Variants in NPHS1 observed in about 807,000 individuals in gnomAD.
NPHS1 encodes the protein nephrin.
A neutral mutation model predicts 139.7 loss-of-function variants in NPHS1; 107 were observed. The observed-to-expected ratio is 0.77, with a 90% CI of 0.66 to 0.90. The LOEUF (loss-of-function observed/expected upper bound fraction) is 0.90, where lower values mean the gene tolerates loss of function less well. NPHS1 is among the 40% of genes least tolerant of loss of function. The pLI, the probability that NPHS1 is intolerant of heterozygous loss-of-function variation, is 0.00. For missense variants in NPHS1, 1,580 were observed against 1,654.2 expected (o/e 0.96, Z 0.78); for synonymous variants, 707 against 706.6 (o/e 1.00, Z -0.01).
intron 24 of NPHS1, 27 bp downstream of exon 24, chr19:35,831,616 C>T (rs1418047793): frequency 3.1e-6 from 5 of 1,613,260 alleles, no homozygotes; most frequent in African/African-American, 1.3e-5. Flanking sequence ...CGGGTCTCCA[C>T]CCTGGCAGGG....
chr19:35,841,430 T>C (rs1973054220), intron 20 of NPHS1, among the ~76,000 whole-genome samples: 1 of 152,150 alleles, frequency 6.6e-6, no homozygotes, highest in African/African-American at 2.4e-5. Context: ...TGATGGCAGC[T>C]GAACCTAGAT....
In NPHS1 at chr19:35,839,549, C is replaced by T. The variant is rs752337753; in HGVS notation, c.2874G>A (p.Gly958=). The T allele has an allele frequency of 6.2e-7, 1 of 1,614,180 alleles. No individual in the cohort carries two copies. The highest frequency in any genetic ancestry group is 1.7e-5 in the Admixed American group (1 of 60,018). The change falls in exon 21 of 29, where the codon GGG becomes GGA. Residue 958 remains glycine (G), a synonymous_variant. Coordinates refer to ENST00000378910, the MANE Select transcript of NPHS1 (RefSeq NM_004646.4). ...CATCAAAGCCAGGCTTCCACTCCAG[C>T]CCCACGGAGTGTGGGGTCAGACTCA... is the stretch of plus-strand genomic sequence containing the variant. The part of the protein sequence containing the change: ...KVVSLTPHSV[G]LEWKPGFDGG...
chr19:35,831,023 T>C (rs764438462), intron 27 of NPHS1, 30 bp downstream of exon 27: 1 of 1,610,734 alleles, frequency 6.2e-7, no homozygotes, highest in East Asian at 2.2e-5. Context: ...TACCTCTGAG[T>C]GAGGGAATCC....
intron 20 of NPHS1, among the ~76,000 whole-genome samples, chr19:35,841,246 G>A (rs924531788): frequency 2.3e-4 from 35 of 152,016 alleles, no homozygotes; most frequent in Admixed American, 4.6e-4. Flanking sequence ...GGTGGCGGGC[G>A]CCTGTAATCT....
rs140626538 is a variant in NPHS1 at position 35,851,603 on chromosome 19, A to G, written c.128T>C (p.Val43Ala). 3.5e-4 allele frequency: 572 copies of G among 1,613,936 alleles called. 3 individuals carry two copies. The African/African-American group carries it at 6.9e-3, about 19-fold the overall frequency. Reference protein sequence around the residue: ...GFWALPENLTVVEGASVELRC... With the variant: ...GFWALPENLTAVEGASVELRC... ...CAGCTCCACTGAGGCCCCCTCCACC[A>G]CCGTCAGGTTTTCAGGCAGGGCCCA... Residue 43 changes from valine (V) to alanine (A), a missense_variant, in exon 2 of 29, where the codon GTG becomes GCG. By Grantham distance (64) the Val-to-Ala change is moderately conservative. Coordinates refer to ENST00000378910, the MANE Select transcript of NPHS1 (RefSeq NM_004646.4).
In NPHS1 at chr19:35,848,013, A is replaced by C. The variant is rs1555763048; in HGVS notation, c.1440+28T>G. 8 of 1,611,974 alleles carry C rather than the reference A, an allele frequency of 5.0e-6. No individual in the cohort carries two copies. In the South Asian group the frequency reaches 6.6e-5, roughly 13 times the overall value. Reference sequence around the variant, plus strand: ...TGGTCCTTCCCCCACATTCCTGGCCACCCCCATAGCCCTGGCGTGGCACCA... The same window carrying C: ...TGGTCCTTCCCCCACATTCCTGGCCCCCCCCATAGCCCTGGCGTGGCACCA... On this transcript the variant is annotated intron_variant, in intron 11 of 28. Transcript: ENST00000378910.
At chr19:35,833,440 T>A (rs1972910645) in intron 23 of NPHS1, among the ~76,000 whole-genome samples, 1 of 152,154 alleles carries the variant, frequency 6.6e-6, no homozygotes, top group South Asian at 2.1e-4. Context: ...TCTCCATTCC[T>A]CTCTCCACAG....
At chr19:35,830,740 G>T in intron 28 of NPHS1, 104 bp downstream of exon 28, 1 of 804,582 alleles carries the variant, frequency 1.2e-6, no homozygotes, top group Non-Finnish European at 2.2e-6. Flanking sequence ...TCATGGTCAG[G>T]CCTCTTTGTT....
chr19:35,831,805 C>T, intron 23 of NPHS1, 43 bp from the exon 24 acceptor site: 7 of 1,546,986 alleles, frequency 4.5e-6, no homozygotes, highest in Non-Finnish European at 6.1e-6. Context: ...AGACAACAGG[C>T]TGTAGGCCAG....
At chr19:35,835,556 A>G (rs1475432887) in intron 23 of NPHS1, 149 bp downstream of exon 23, 2 of 761,890 alleles carry the variant, frequency 2.6e-6, no homozygotes, top group Non-Finnish European at 4.7e-6. Context: ...TTGGCCTCCC[A>G]AAGTGTTGGG....
At position 35,849,150 on chromosome 19, in the gene NPHS1, G is replaced by A. The variant is rs1478077555; in HGVS notation, c.841-3C>T. The A allele has an allele frequency of 1.2e-6, 2 of 1,611,082 alleles. No individual in the cohort carries two copies. The highest frequency in any genetic ancestry group is 1.7e-6 in the Non-Finnish European group (2 of 1,180,010). On this transcript the variant is annotated splice_region_variant and splice_polypyrimidine_tract_variant and intron_variant, in intron 7 of 28. Coordinates refer to ENST00000378910, the MANE Select transcript of NPHS1 (RefSeq NM_004646.4). Reference sequence around the variant, plus strand: ...GCTGTGGACACCGGCTGGCCATTCTGGAGACAGGGACAGGCCTGGGCCAGC... The same window carrying A: ...GCTGTGGACACCGGCTGGCCATTCTAGAGACAGGGACAGGCCTGGGCCAGC...
At position 35,848,144 on chromosome 19, in the gene NPHS1, A is replaced by G. The variant is rs386833879; in HGVS notation, c.1337T>C (p.Ile446Thr). ...CTTCTGGCCCTCTGGGGGACCCTCA[A>G]TCCACAGTTTCTGGGCGGGATCTGG... is the stretch of plus-strand genomic sequence containing the variant. The part of the protein sequence containing the change: ...NVKYPAQKLW[I>T]EGPPEGQKLR... Residue 446 changes from isoleucine (I) to threonine (T), a missense_variant, in exon 11 of 29, where the codon ATT becomes ACT. By Grantham distance (89) the Ile-to-Thr change is moderately conservative (BLOSUM62 -1). Coordinates refer to ENST00000378910, the MANE Select transcript of NPHS1 (RefSeq NM_004646.4). 5 of 1,613,922 alleles carry G rather than the reference A, an allele frequency of 3.1e-6. No individual in the cohort carries two copies. Among genetic ancestry groups the G allele is most frequent in the Admixed American group, 1.7e-5 (1 of 60,000 alleles).
In NPHS1 at chr19:35,839,396, C is replaced by T. The variant is rs1317808033; in HGVS notation, c.2950G>A (p.Gly984Arg). The T allele has an allele frequency of 6.2e-7, 1 of 1,613,992 alleles. No homozygotes were observed. The highest frequency in any genetic ancestry group is 8.5e-7 in the Non-Finnish European group (1 of 1,180,002). ...GGTACGACATCCACATAGTGGAACCCTGGAGTCCCCAGGGCCTCATACCTG... is the reference window on the plus strand; with the variant it reads ...GGTACGACATCCACATAGTGGAACCTTGGAGTCCCCAGGGCCTCATACCTG... Reference protein sequence around the residue: ...CIRYEALGTPGFHYVDVVPPQ... With the variant: ...CIRYEALGTPRFHYVDVVPPQ... Residue 984 changes from glycine (G) to arginine (R), a missense_variant, in exon 22 of 29, where the codon GGG (glycine) becomes AGG (arginine). Transcript: ENST00000378910.
intron 23 of NPHS1, among the ~76,000 whole-genome samples, chr19:35,833,212 C>T (rs1166912128): frequency 6.6e-6 from 1 of 152,052 alleles, no homozygotes; most frequent in Non-Finnish European, 1.5e-5. Context: ...CTTCTTTCCA[C>T]CAACTTCCAT....
intron 23 of NPHS1, among the ~76,000 whole-genome samples, chr19:35,835,309 T>C (rs1204217296): frequency 7.1e-6 from 1 of 141,706 alleles, no homozygotes; most frequent in African/African-American, 2.6e-5. Flanking sequence ...TTTTTTTTTT[T>C]TTTTTTTTGA....
At chr19:35,835,421 T>C (rs1972944191) in intron 23 of NPHS1, among the ~76,000 whole-genome samples, 1 of 150,764 alleles carries the variant, frequency 6.6e-6, no homozygotes, top group Non-Finnish European at 1.5e-5. Flanking sequence ...CACCTCAGCC[T>C]TCTGAGTAGT....
chr19:35,841,705 C>T lies in NPHS1; in HGVS notation c.2815+10G>A. 6.2e-7 allele frequency: 1 copy of T among 1,614,108 alleles called. No homozygotes were observed. Among genetic ancestry groups the T allele is most frequent in the Non-Finnish European group, 8.5e-7 (1 of 1,179,998 alleles). On this transcript the variant is annotated intron_variant, in intron 20 of 28. Coordinates refer to ENST00000378910, the MANE Select transcript of NPHS1 (RefSeq NM_004646.4). Reference sequence around the variant, plus strand: ...ACCCCCTCCCCAACACCCTCACAGCCCCTCCATACTGATGCTGACAAGTTG... The same window carrying T: ...ACCCCCTCCCCAACACCCTCACAGCTCCTCCATACTGATGCTGACAAGTTG...
At chr19:35,846,904 T>C (rs1421956627) in intron 11 of NPHS1, among the ~76,000 whole-genome samples, 1 of 152,228 alleles carries the variant, frequency 6.6e-6, no homozygotes, top group East Asian at 1.9e-4. Context: ...ATTCCCAGGA[T>C]TCTCCTAGAA....
rs554569999 is a variant in NPHS1, at chr19:35,842,300, C to T, written c.2507-20G>A. ...GGGCAACTGGGAGGGGATGGGCAGT[C>T]AACATGAGCTATGTGGGAGACATGA... On this transcript the variant is annotated intron_variant, in intron 18 of 28. Coordinates refer to ENST00000378910, the MANE Select transcript of NPHS1 (RefSeq NM_004646.4). The T allele has an allele frequency of 6.8e-5, 110 of 1,612,196 alleles. 1 individual carries two copies. The Middle Eastern group carries it at 1.3e-3, about 19-fold the overall frequency.
Sources: gnomAD v4.1 joint callset for allele counts (sites outside exome capture counted in the v4.1 genomes callset) on GRCh38, gnomAD v4.1.1 for gene constraint, MANE v1.5 for transcripts, NCBI Gene and HGNC (gene_info 2026-07-23, HGNC 2026-07-21) for gene names.